Variants in BCAR3 observed in about 807,000 individuals in gnomAD.
BCAR3 encodes the protein BCAR3 adaptor protein, NSP family member.
Under a neutral mutation model 80.1 loss-of-function variants are expected in BCAR3, and 37 were observed. The observed-to-expected ratio is 0.46, with a 90% CI of 0.36 to 0.61. The LOEUF is 0.61. BCAR3 is among the 20% of genes least tolerant of loss of function. BCAR3 has a pLI of 0.00. For synonymous variants in BCAR3, 389 were observed against 418.9 expected (o/e 0.93, Z 0.87); for missense variants, 978 against 1,068.2 (o/e 0.92, Z 1.18).
chr1:93,740,292 C>T (rs1157460510), intron 2 of BCAR3, among the ~76,000 whole-genome samples: 1 of 152,214 alleles, frequency 6.6e-6, no homozygotes, highest in African/African-American at 2.4e-5. Context: ...CCCACAGACA[C>T]AGGCGTTAAC....
intron 3 of BCAR3, among the ~76,000 whole-genome samples, chr1:93,597,109 A>G (rs530636915): frequency 6.6e-6 from 1 of 152,320 alleles, no homozygotes; most frequent in South Asian, 2.1e-4. Context: ...AAAAGGTACT[A>G]TGTACATAAA....
intron 3 of BCAR3, among the ~76,000 whole-genome samples, chr1:93,604,422 T>G (rs1203153702): frequency 4.6e-5 from 7 of 152,260 alleles, no homozygotes; most frequent in Non-Finnish European, 8.8e-5. Context: ...TTATCAAAGT[T>G]CTGAGAAATT....
Position 93,584,683 on chromosome 1 carries a change from C to T in BCAR3, c.930-562G>A, listed in dbSNP as rs115050570. 9.2e-3 allele frequency among the ~76,000 whole-genome samples: 1,402 copies of T among 152,330 alleles called. 32 individuals carry two copies. Among genetic ancestry groups the T allele is most frequent in the African/African-American group, 0.032 (1,338 of 41,576 alleles). ...TGCTCTCGGGGGACCCCCACACAGC[C>T]TCCTCCTGCTGAGCTGGGAAAAGGC... On this transcript the variant is annotated intron_variant, in intron 5 of 11. Transcript: ENST00000260502.
chr1:93,579,650 C>T (rs976253580), intron 7 of BCAR3, among the ~76,000 whole-genome samples: 2 of 152,070 alleles, frequency 1.3e-5, no homozygotes, highest in Non-Finnish European at 2.9e-5. Context: ...CAAGGGCGGG[C>T]AGGCAGGCAT....
chr1:93,845,599 T>C lies in BCAR3; in HGVS notation c.-95A>G, dbSNP rs116870827. The C allele has an allele frequency of 6.6e-5, 10 of 151,686 alleles. No individual in the cohort carries two copies. In the East Asian group the frequency reaches 1.8e-3, roughly 27 times the overall value. The allele number at this position is 151,686 out of a possible 1,614,324, so 9.4% of individuals were successfully genotyped here. On this transcript the variant is annotated 5_prime_UTR_variant, in exon 2 of 14. Transcript: ENST00000370244. ...AGAAGCGATTCACAATTCGCATCCT[T>C]GCACGTTCTTCCTAGATGTGCCAAG...
At chr1:93,588,862 G>A (rs188298581) in intron 5 of BCAR3, 115 bp downstream of exon 5, 155 of 1,164,248 alleles carry the variant, frequency 1.3e-4, no homozygotes, top group Non-Finnish European at 1.4e-4. Context: ...GCGAACAGTC[G>A]GCATTCCTAT....
intron 2 of BCAR3, among the ~76,000 whole-genome samples, chr1:93,661,883 A>T (rs1647679491): frequency 6.6e-6 from 1 of 152,270 alleles, no homozygotes; most frequent in African/African-American, 2.4e-5. Context: ...GAAGAGATTC[A>T]GTCTTCCACA....
rs1475544200 is a variant in BCAR3, at chr1:93,845,500, A to ATC, written c.-63+66_-63+67insGA. ...TATATATATATATATATATATATATATAAAACTTTGTTTACATTAGAGTAT... is the reference window on the plus strand; with the variant it reads ...TATATATATATATATATATATATATATCTAAAACTTTGTTTACATTAGAGTAT... On this transcript the variant is annotated intron_variant, in intron 2 of 13. Coordinates refer to the BCAR3 transcript ENST00000370244. 392 of 106,876 alleles carry ATC rather than the reference A, an allele frequency of 3.7e-3. 27 individuals carry two copies. The highest frequency in any genetic ancestry group is 5.2e-3 in the Non-Finnish European group (264 of 51,236). 6.6% of individuals were successfully genotyped at this position (106,876 alleles called of 1,614,324 possible).
chr1:93,809,431 T>G (rs1653754662), intron 2 of BCAR3, among the ~76,000 whole-genome samples: 1 of 151,984 alleles, frequency 6.6e-6, no homozygotes. Context: ...GCAGGTAACT[T>G]CTATTTCTCA....
intron 3 of BCAR3, among the ~76,000 whole-genome samples, chr1:93,699,550 A>T (rs2101971278): frequency 6.6e-6 from 1 of 152,136 alleles, no homozygotes; most frequent in African/African-American, 2.4e-5. Flanking sequence ...GTGATCATAT[A>T]CCGGCCTCAG....
At chr1:93,620,811 G>A (rs11164952) in intron 3 of BCAR3, among the ~76,000 whole-genome samples, 1,786 of 152,260 alleles carry the variant, frequency 0.012, 39 homozygotes, top group African/African-American at 0.041. Context: ...AACTACAACC[G>A]TGTCTGGTAT....
chr1:93,636,373 G>A (rs2101903471), intron 3 of BCAR3, among the ~76,000 whole-genome samples: 1 of 152,264 alleles, frequency 6.6e-6, no homozygotes, highest in East Asian at 1.9e-4. Context: ...CACCAAGGCT[G>A]ACTACAAAAG....
chr1:93,800,717 A>AT (rs1258370934), intron 2 of BCAR3, among the ~76,000 whole-genome samples: 1 of 152,134 alleles, frequency 6.6e-6, no homozygotes, highest in African/African-American at 2.4e-5. Flanking sequence ...TCTTTCAGTT[A>AT]TTTTTTTAAA....
chr1:93,662,605 C>T (rs552484439), intron 2 of BCAR3, among the ~76,000 whole-genome samples: 6 of 152,132 alleles, frequency 3.9e-5, no homozygotes, highest in East Asian at 1.9e-4. Context: ...CAGCCTCCAG[C>T]GTGCTTCCTG....
chr1:93,800,821 A>T (rs61782399), intron 2 of BCAR3, among the ~76,000 whole-genome samples: 12,307 of 152,188 alleles, frequency 0.081, 571 homozygotes, highest in African/African-American at 0.1. Flanking sequence ...GGCTCCAAAG[A>T]AAAGAAGGAT....
In BCAR3 at chr1:93,807,041, G is replaced by C. The variant is rs1270217858; in HGVS notation, c.-63+38526C>G. 1.3e-5 allele frequency among the ~76,000 whole-genome samples: 2 copies of C among 151,994 alleles called. 1 individual carries two copies. Among genetic ancestry groups the C allele is most frequent in the East Asian group, 3.9e-4 (2 of 5,180 alleles). ...GATTGCTTGAGCCCAGGATATCAAGGCTGCAGTGAGAGGAGATCATGCCAC... is the reference window on the plus strand; with the variant it reads ...GATTGCTTGAGCCCAGGATATCAAGCCTGCAGTGAGAGGAGATCATGCCAC... On this transcript the variant is annotated intron_variant, in intron 2 of 13. Coordinates refer to the BCAR3 transcript ENST00000370244.
intron 1 of BCAR3, among the ~76,000 whole-genome samples, chr1:93,675,999 T>C (rs912978336): frequency 2.8e-5 from 4 of 144,960 alleles, no homozygotes; most frequent in Admixed American, 2.1e-4. Flanking sequence ...ATACTAGTCA[T>C]GATATCAGAC....
intron 2 of BCAR3, among the ~76,000 whole-genome samples, chr1:93,663,088 C>A (rs146028931): frequency 6.6e-6 from 1 of 152,088 alleles, no homozygotes. Flanking sequence ...TCCAGGCCAG[C>A]GATTCTTGCT....
At chr1:93,839,348 A>G (rs1654878516) in intron 2 of BCAR3, among the ~76,000 whole-genome samples, 1 of 152,236 alleles carries the variant, frequency 6.6e-6, no homozygotes, top group Non-Finnish European at 1.5e-5. Flanking sequence ...ATCTAGTTAG[A>G]TTCAGAAAGC....
Sources: gnomAD v4.1 joint callset for allele counts (sites outside exome capture counted in the v4.1 genomes callset) on GRCh38, gnomAD v4.1.1 for gene constraint, MANE v1.5 for transcripts, NCBI Gene and HGNC (gene_info 2026-07-23, HGNC 2026-07-21) for gene names.